Variants in RBM28 observed in about 807,000 individuals in gnomAD.
RBM28 encodes the protein RNA-binding protein 28.
A neutral mutation model predicts 98.3 loss-of-function variants in RBM28; 78 were observed. The observed-to-expected ratio is 0.79, with a 90% CI of 0.66 to 0.96. The LOEUF is 0.96. Among genes scored for constraint, RBM28 ranks in the 40% least tolerant of loss-of-function variants. The pLI is 0.00. For missense variants in RBM28, 838 were observed against 913.0 expected (o/e 0.92, Z 1.06); for synonymous variants, 306 against 330.9 (o/e 0.92, Z 0.82).
In RBM28 at chr7:128,318,001, G is replaced by A. The variant is rs1267699251; in HGVS notation, c.1669C>T (p.Leu557Phe). 4 of 1,614,210 alleles carry A rather than the reference G, an allele frequency of 2.5e-6. No individual in the cohort carries two copies. Among genetic ancestry groups the A allele is most frequent in the Non-Finnish European group, 3.4e-6 (4 of 1,180,040 alleles). The change falls in exon 15 of 19, where the codon CTC becomes TTC. Residue 557 changes from leucine (L) to phenylalanine (F), a missense_variant. Coordinates refer to ENST00000223073, the MANE Select transcript of RBM28 (RefSeq NM_018077.3). The part of the protein sequence containing the change: ...FQEHEHALKA[L>F]RLINNNPEIF... ...TCTGGATTGTTGTTGATGAGGCGGA[G>A]GGCTTTCAGGGCATGCTCGTGCTCT...
intron 9 of RBM28, among the ~76,000 whole-genome samples, chr7:128,331,593 G>A (rs906113650): frequency 6.6e-6 from 1 of 151,834 alleles, no homozygotes; most frequent in African/African-American, 2.4e-5. Flanking sequence ...ATTAAATCCA[G>A]GTTTCAATTA....
At chr7:128,335,010 C>A (rs891662312) in intron 8 of RBM28, among the ~76,000 whole-genome samples, 1 of 152,224 alleles carries the variant, frequency 6.6e-6, no homozygotes, top group African/African-American at 2.4e-5. Context: ...AATGAATCAG[C>A]TGGCACCTGG....
chr7:128,324,891 G>T (rs1796314016), intron 11 of RBM28, among the ~76,000 whole-genome samples, 197 bp from the exon 12 acceptor site: 1 of 152,004 alleles, frequency 6.6e-6, no homozygotes, highest in South Asian at 2.1e-4. Context: ...GTGTGCGCCT[G>T]TAATCCTACT....
chr7:128,329,122 G>A (rs995987883), intron 10 of RBM28, among the ~76,000 whole-genome samples: 2 of 151,756 alleles, frequency 1.3e-5, no homozygotes, highest in African/African-American at 4.8e-5. Flanking sequence ...TTTTTGAGAC[G>A]GAGTCTTGCT....
At chr7:128,329,735 C>T (rs1796432107) in intron 10 of RBM28, among the ~76,000 whole-genome samples, 1 of 151,752 alleles carries the variant, frequency 6.6e-6, no homozygotes, top group Admixed American at 6.6e-5. Context: ...AATACAAACA[C>T]AAAATTAGCC....
intron 17 of RBM28, 141 bp from the exon 18 acceptor site, chr7:128,313,415 G>C (rs1055396681): frequency 1.2e-6 from 1 of 843,084 alleles, no homozygotes; most frequent in African/African-American, 1.7e-5. Flanking sequence ...CCCTCTGAAA[G>C]CTCAACATTT....
chr7:128,338,938 G>A, intron 3 of RBM28, 137 bp from the exon 4 acceptor site: 2 of 763,032 alleles, frequency 2.6e-6, no homozygotes, highest in Non-Finnish European at 4.5e-6. Flanking sequence ...GACATCAAAT[G>A]TTTCTAAATA....
Position 128,321,305 on chromosome 7 carries a change from C to G in RBM28, c.1524G>C (p.Leu508=). 1 of 1,614,234 alleles carries G rather than the reference C, an allele frequency of 6.2e-7. No individual in the cohort carries two copies. Among genetic ancestry groups the G allele is most frequent in the Non-Finnish European group, 8.5e-7 (1 of 1,180,040 alleles). The change falls in exon 14 of 19, where the codon CTG becomes CTC. Residue 508 remains leucine, a synonymous_variant. Transcript: ENST00000223073. ...VDDKQLRKLL[L]SATSGEKGVR... ...CCCCTTTCTCTCCACTAGTAGCACT[C>G]AGCAGCAGCTTTCTGAGCTGTTTGT...
intron 17 of RBM28, among the ~76,000 whole-genome samples, chr7:128,313,945 G>A (rs934037538): frequency 2.0e-5 from 3 of 151,914 alleles, no homozygotes; most frequent in Non-Finnish European, 4.4e-5. Context: ...GGAACCATGA[G>A]CCAATTAAGC....
Position 128,302,535 on chromosome 7 carries a change from C to A in RBM28, c.*8262G>T, listed in dbSNP as rs1046589144. On this transcript the variant is annotated 3_prime_UTR_variant, in exon 19 of 19. Coordinates refer to ENST00000223073, the MANE Select transcript of RBM28 (RefSeq NM_018077.3). ...ATAAAACTGAGTAGAGCCAGCGCAC[C>A]CTTTCCCTATTAGCAACCTCTAAGG... The A allele has an allele frequency of 6.6e-6, 1 of 152,112 alleles. No homozygotes were observed. The highest frequency in any genetic ancestry group is 2.1e-4 in the South Asian group (1 of 4,834). 9.4% of individuals were successfully genotyped at this position (152,112 alleles called of 1,614,324 possible).
intron 16 of RBM28, among the ~76,000 whole-genome samples, chr7:128,315,726 C>T (rs896797160): frequency 8.6e-5 from 13 of 151,936 alleles, no homozygotes; most frequent in African/African-American, 3.1e-4. Context: ...AAAAAATCAC[C>T]AACCTACAAT....
At position 128,338,240 on chromosome 7, in the gene RBM28, GA is replaced by G; in HGVS notation, c.541+9del. 2 of 1,607,452 alleles carry G rather than the reference GA, an allele frequency of 1.2e-6. No homozygotes were observed. The highest frequency in any genetic ancestry group is 1.7e-6 in the Non-Finnish European group (2 of 1,173,896). ...TATCTGGGTCAATGATATGGGTATA[GA>G]AAGCTTACCTTTTATCTCTTTCATG... On this transcript the variant is annotated intron_variant, in intron 5 of 18. Coordinates refer to ENST00000223073, the MANE Select transcript of RBM28 (RefSeq NM_018077.3).
intron 5 of RBM28, among the ~76,000 whole-genome samples, chr7:128,337,755 G>A (rs1026738746): frequency 4.0e-5 from 6 of 151,762 alleles, no homozygotes; most frequent in East Asian, 1.9e-4. Context: ...ACGGGGTTTC[G>A]CCATGTTGAC....
chr7:128,312,620 A>G (rs80128127), intron 18 of RBM28, among the ~76,000 whole-genome samples: 3,718 of 147,404 alleles, frequency 0.025, 131 homozygotes, highest in African/African-American at 0.09. Context: ...AGAGAAGAAA[A>G]AAATGATTTA....
chr7:128,337,255 T>C, intron 5 of RBM28, 53 bp from the exon 6 acceptor site: 1 of 1,556,100 alleles, frequency 6.4e-7, no homozygotes, highest in South Asian at 1.1e-5. Flanking sequence ...AAACCCTACC[T>C]CTGTAAATGA....
chr7:128,319,401 T>C (rs1440033118), intron 14 of RBM28, among the ~76,000 whole-genome samples: 1 of 152,178 alleles, frequency 6.6e-6, no homozygotes, highest in Admixed American at 6.6e-5. Flanking sequence ...AGGCACTAAG[T>C]ATTCGGATGA....
intron 9 of RBM28, among the ~76,000 whole-genome samples, chr7:128,331,190 G>A (rs1226536908): frequency 6.6e-6 from 1 of 152,162 alleles, no homozygotes; most frequent in East Asian, 1.9e-4. Context: ...AAACAGCGGT[G>A]CCCCCCACTA....
chr7:128,311,075 A>AC, intron 18 of RBM28, 144 bp from the exon 19 acceptor site: 1 of 818,112 alleles, frequency 1.2e-6, no homozygotes, highest in Non-Finnish European at 2.0e-6. Flanking sequence ...AGAGACTCTT[A>AC]GAGAGAAAGG....
At chr7:128,335,788 C>T in intron 7 of RBM28, 59 bp downstream of exon 7, 1 of 1,613,742 alleles carries the variant, frequency 6.2e-7, no homozygotes, top group South Asian at 1.1e-5. Context: ...GAGAATTTTT[C>T]CTCTCGGAGA....
Sources: allele counts gnomAD v4.1 joint callset (sites outside exome capture counted in the v4.1 genomes callset), GRCh38; gene constraint gnomAD v4.1.1; transcripts MANE v1.5; gene names NCBI Gene and HGNC (gene_info 2026-07-23, HGNC 2026-07-21).